Variants in NTRK3 observed in about 807,000 individuals in gnomAD.
The protein encoded by NTRK3 is NT-3 growth factor receptor.
Under a neutral mutation model 91.7 loss-of-function variants are expected in NTRK3, and 24 were observed. The ratio of observed to expected loss-of-function variants is 0.26; its 90% confidence interval spans 0.19 to 0.37. NTRK3 has a LOEUF of 0.37. Ranked by LOEUF, NTRK3 falls within the 10% of genes least tolerant of loss-of-function variation. The pLI is 1.00. For missense variants in NTRK3, 880 were observed against 1,068.9 expected (o/e 0.82, Z 2.46); for synonymous variants, 483 against 404.0 (o/e 1.20, Z -2.34).
At chr15:87,899,644 AGG>A (rs1046909017) in intron 17 of NTRK3, among the ~76,000 whole-genome samples, 5 of 152,210 alleles carry the variant, frequency 3.3e-5, no homozygotes, top group African/African-American at 1.2e-4. Context: ...GAGCCCAAAA[AGG>A]GGGACCAGGA....
At chr15:87,993,696 T>C (rs539563633) in intron 14 of NTRK3, among the ~76,000 whole-genome samples, 2 of 152,316 alleles carry the variant, frequency 1.3e-5, no homozygotes, top group Non-Finnish European at 2.9e-5. Context: ...CCAGGCACTA[T>C]AGCAGATACC....
chr15:87,912,802 G>T (rs940295605), intron 17 of NTRK3, among the ~76,000 whole-genome samples: 1 of 151,554 alleles, frequency 6.6e-6, no homozygotes, highest in African/African-American at 2.4e-5. Context: ...AAAACAGTTG[G>T]GTGGAGTAAT....
chr15:87,921,410 C>G (rs2067859554), intron 17 of NTRK3, among the ~76,000 whole-genome samples: 1 of 152,186 alleles, frequency 6.6e-6, no homozygotes. Context: ...CCTCTCCAAA[C>G]AGGGTCAGCA....
intron 14 of NTRK3, among the ~76,000 whole-genome samples, chr15:87,983,617 T>C (rs2074482810): frequency 6.6e-6 from 1 of 152,124 alleles, no homozygotes; most frequent in African/African-American, 2.4e-5. Flanking sequence ...GCCTTTATAA[T>C]ATGGAAAAAC....
Position 88,061,178 on chromosome 15 carries a change from A to G in NTRK3, c.1397-28133T>C, listed in dbSNP as rs377193137. 1.8e-3 allele frequency among the ~76,000 whole-genome samples: 267 copies of G among 152,266 alleles called. 1 individual carries two copies. The highest frequency in any genetic ancestry group is 6.1e-3 in the African/African-American group (253 of 41,510). Reference sequence around the variant, plus strand: ...AAAGTCAGCTTACCCCCAACCAACTAAAAGAAAAAAAACAATAATTCATTA... The same window carrying G: ...AAAGTCAGCTTACCCCCAACCAACTGAAAGAAAAAAAACAATAATTCATTA... On this transcript the variant is annotated intron_variant, in intron 13 of 18. Transcript: ENST00000394480.
intron 4 of NTRK3, among the ~76,000 whole-genome samples, chr15:88,183,691 C>G (rs1367629521): frequency 6.6e-6 from 1 of 152,180 alleles, no homozygotes; most frequent in African/African-American, 2.4e-5. Context: ...CCCAGGGCCC[C>G]GTGAGGCTGG....
At chr15:87,916,948 G>A (rs2067491090) in intron 17 of NTRK3, among the ~76,000 whole-genome samples, 1 of 152,068 alleles carries the variant, frequency 6.6e-6, no homozygotes, top group African/African-American at 2.4e-5. Flanking sequence ...ATTTTCAGTA[G>A]AGACAAGGTT....
intron 13 of NTRK3, among the ~76,000 whole-genome samples, chr15:88,079,568 T>G (rs1001800676): frequency 1.3e-5 from 2 of 152,250 alleles, no homozygotes; most frequent in South Asian, 2.1e-4. Context: ...CTGATAGGGG[T>G]TGATTAGTGG....
intron 13 of NTRK3, among the ~76,000 whole-genome samples, chr15:88,100,320 C>T (rs1328843960): frequency 6.6e-6 from 1 of 152,182 alleles, no homozygotes; most frequent in Non-Finnish European, 1.5e-5. Flanking sequence ...AAGGACTGAT[C>T]CTCCCAACAC....
chr15:88,197,574 A>G (rs1208835699), intron 3 of NTRK3, among the ~76,000 whole-genome samples: 1 of 152,204 alleles, frequency 6.6e-6, no homozygotes. Flanking sequence ...CCCTTTGAGG[A>G]CAGAAGCAAC....
At chr15:87,970,041 G>T (rs923477901) in intron 14 of NTRK3, among the ~76,000 whole-genome samples, 2 of 152,184 alleles carry the variant, frequency 1.3e-5, no homozygotes, top group African/African-American at 4.8e-5. Flanking sequence ...TGGGGACATG[G>T]TATTTGGGGC....
chr15:87,942,851 T>C (rs935074426), intron 14 of NTRK3, among the ~76,000 whole-genome samples: 4 of 152,166 alleles, frequency 2.6e-5, no homozygotes, highest in African/African-American at 9.7e-5. Flanking sequence ...TTTTGGCATT[T>C]TCATTATTAT....
chr15:88,254,207 C>A (rs1367180350), intron 3 of NTRK3, among the ~76,000 whole-genome samples: 1 of 152,166 alleles, frequency 6.6e-6, no homozygotes, highest in Non-Finnish European at 1.5e-5. Context: ...CACATCCACC[C>A]CCTACACACA....
rs561945813 is a variant in NTRK3 at position 88,112,039 on chromosome 15, T to C, written c.1396+14232A>G. 9.3e-4 allele frequency among the ~76,000 whole-genome samples: 142 copies of C among 152,152 alleles called. 1 individual carries two copies. The highest frequency in any genetic ancestry group is 3.1e-3 in the African/African-American group (130 of 41,518). The stretch of plus-strand genomic sequence containing the variant: ...CTCCTGCCTCAGCCTCCTGAGTAGC[T>C]GGGACTACAGGCACCCGCCACCACG... On this transcript the variant is annotated intron_variant, in intron 13 of 18. Transcript: ENST00000394480.
intron 14 of NTRK3, among the ~76,000 whole-genome samples, chr15:88,025,226 A>G (rs1468212324): frequency 6.6e-6 from 1 of 152,260 alleles, no homozygotes; most frequent in Non-Finnish European, 1.5e-5. Context: ...ATGAAGCTAA[A>G]CATATTCTTA....
chr15:88,038,725 T>C (rs1241628034), intron 13 of NTRK3, among the ~76,000 whole-genome samples: 1 of 152,010 alleles, frequency 6.6e-6, no homozygotes, highest in Non-Finnish European at 1.5e-5. Flanking sequence ...AAGACAAAAA[T>C]TTTAAAATGT....
At chr15:88,033,495 G>A (rs896468323) in intron 13 of NTRK3, among the ~76,000 whole-genome samples, 2 of 151,616 alleles carry the variant, frequency 1.3e-5, no homozygotes, top group Admixed American at 1.3e-4. Flanking sequence ...ATTTTTCGTG[G>A]AGACAGGATT....
chr15:87,885,668 T>A, intron 17 of NTRK3, 26 bp downstream of exon 18: 2 of 1,275,954 alleles, frequency 1.6e-6, no homozygotes, highest in Non-Finnish European at 2.1e-6. Flanking sequence ...AACTATTCAT[T>A]AAAAAAAATA....
intron 13 of NTRK3, among the ~76,000 whole-genome samples, chr15:88,121,819 T>C (rs916458182): frequency 6.6e-6 from 1 of 152,194 alleles, no homozygotes; most frequent in African/African-American, 2.4e-5. Context: ...TCTGAAGCAT[T>C]AGACTTCATC....
Sources: allele counts gnomAD v4.1 joint callset (sites outside exome capture counted in the v4.1 genomes callset), GRCh38; gene constraint gnomAD v4.1.1; transcripts MANE v1.5; gene names NCBI Gene and HGNC (gene_info 2026-07-23, HGNC 2026-07-21).